CACNB2: variants seen among roughly 807,000 people sequenced by gnomAD.
CACNB2 encodes calcium voltage-gated channel auxiliary subunit beta 2.
Under a neutral mutation model 73.3 loss-of-function variants are expected in CACNB2, and 42 were observed. That is an observed-to-expected ratio of 0.57 (90% CI 0.45 to 0.74). The LOEUF is 0.74. Ranked by LOEUF, CACNB2 falls within the 30% of genes least tolerant of loss-of-function variation. The pLI, the probability that CACNB2 is intolerant of heterozygous loss-of-function variation, is 0.00. For synonymous variants in CACNB2, 348 were observed against 310.3 expected, an observed-to-expected ratio of 1.12 and a Z score of -1.28; for missense variants, 940 against 853.0, an observed-to-expected ratio of 1.10 and a Z score of -1.27.
intron 2 of CACNB2, among the ~76,000 whole-genome samples, chr10:18,319,359 A>G (rs2131943809): frequency 6.6e-6 from 1 of 152,252 alleles, no homozygotes; most frequent in Non-Finnish European, 1.5e-5. Flanking sequence ...AGAAAACCAG[A>G]CACTGCATGT....
intron 2 of CACNB2, among the ~76,000 whole-genome samples, chr10:18,210,117 A>G (rs914472609): frequency 2.6e-5 from 4 of 152,328 alleles, no homozygotes; most frequent in Admixed American, 2.0e-4. Context: ...CTTCCTAGCC[A>G]TGCCACATTT....
At chr10:18,272,347 T>A (rs1588903193) in intron 2 of CACNB2, among the ~76,000 whole-genome samples, 1 of 152,164 alleles carries the variant, frequency 6.6e-6, no homozygotes, top group Non-Finnish European at 1.5e-5. Flanking sequence ...AGATGTGGGA[T>A]CTCTCCCTTC....
intron 3 of CACNB2, among the ~76,000 whole-genome samples, chr10:18,446,518 A>C (rs2046742317): frequency 6.6e-6 from 1 of 152,176 alleles, no homozygotes; most frequent in African/African-American, 2.4e-5. Context: ...GAGGCTGGAC[A>C]AATAACTGGA....
intron 3 of CACNB2, among the ~76,000 whole-genome samples, chr10:18,445,981 C>T (rs2046714813): frequency 6.6e-6 from 1 of 152,144 alleles, no homozygotes; most frequent in African/African-American, 2.4e-5. Context: ...TTTCAGTGAG[C>T]CAAGATCACA....
intron 3 of CACNB2, among the ~76,000 whole-genome samples, chr10:18,422,723 C>T (rs1261883817): frequency 6.6e-6 from 1 of 152,064 alleles, no homozygotes; most frequent in East Asian, 1.9e-4. Flanking sequence ...GATGGAGTTT[C>T]ATTCTTGTCA....
chr10:18,469,684 G>A (rs374925139), intron 3 of CACNB2, among the ~76,000 whole-genome samples: 9 of 152,134 alleles, frequency 5.9e-5, no homozygotes, highest in African/African-American at 2.2e-4. Flanking sequence ...GAGAGATGAC[G>A]TTCTTGAGAT....
chr10:18,467,075 A>C (rs1297677199), intron 3 of CACNB2, among the ~76,000 whole-genome samples: 1 of 152,060 alleles, frequency 6.6e-6, no homozygotes, highest in Non-Finnish European at 1.5e-5. Context: ...AATTGCTTAA[A>C]CTCAGGAGGC....
chr10:18,298,301 C>T (rs1030472588), intron 2 of CACNB2, among the ~76,000 whole-genome samples: 2 of 151,044 alleles, frequency 1.3e-5, no homozygotes, highest in Admixed American at 6.6e-5. Flanking sequence ...TCCGGTGGGG[C>T]GGAGGTTGCA....
intron 2 of CACNB2, among the ~76,000 whole-genome samples, chr10:18,371,263 T>A (rs2042570914): frequency 6.6e-6 from 1 of 152,172 alleles, no homozygotes; most frequent in Non-Finnish European, 1.5e-5. Context: ...CGTGCAGGTT[T>A]GTTACATATG....
chr10:18,386,636 G>A (rs1340701986), intron 2 of CACNB2, among the ~76,000 whole-genome samples: 1 of 152,024 alleles, frequency 6.6e-6, no homozygotes, highest in Non-Finnish European at 1.5e-5. Flanking sequence ...TCGATCTCCT[G>A]ACCTCGTGAT....
intron 2 of CACNB2, among the ~76,000 whole-genome samples, chr10:18,391,589 C>G (rs2043470219): frequency 6.6e-6 from 1 of 151,938 alleles, no homozygotes; most frequent in Admixed American, 6.6e-5. Flanking sequence ...TCAAGGGAGA[C>G]ATATACTAAA....
chr10:18,301,199 C>T (rs1478967694), intron 2 of CACNB2, among the ~76,000 whole-genome samples: 2 of 152,132 alleles, frequency 1.3e-5, no homozygotes, highest in African/African-American at 4.8e-5. Flanking sequence ...TTACATTTAT[C>T]GTTGTTATTA....
At chr10:18,239,100 A>G (rs1421991595) in intron 2 of CACNB2, among the ~76,000 whole-genome samples, 1 of 152,190 alleles carries the variant, frequency 6.6e-6, no homozygotes, top group African/African-American at 2.4e-5. Context: ...GGCCACCAGG[A>G]CTAAATGGGG....
At chr10:18,233,477 G>C (rs75563432) in intron 2 of CACNB2, among the ~76,000 whole-genome samples, 1,971 of 151,604 alleles carry the variant, frequency 0.013, 42 homozygotes, top group African/African-American at 0.046. Context: ...TGCTCTGCTA[G>C]CTAGGTTTCT....
rs138423466 is a variant in CACNB2, at chr10:18,518,404, G to A, written c.873G>A (p.Leu291=). The A allele has an allele frequency of 5.0e-3, 7,985 of 1,609,340 alleles. 32 individuals are homozygous for A. The highest frequency in any genetic ancestry group is 6.3e-3 in the Non-Finnish European group (7,422 of 1,175,770). ...CAGTGGTCCTAGTGGGCCCTTCTCT[G>A]AAGGGCTACGAGGTGGGTAGCAGCC... ...MRPVVLVGPS[L]KGYEVTDMMQ... is the part of the protein sequence containing the mutation. The change falls in exon 8 of 14, where the codon CTG becomes CTA. Residue 291 remains leucine (L), a synonymous_variant. Coordinates refer to ENST00000324631, the MANE Select transcript of CACNB2 (RefSeq NM_201596.3).
intron 3 of CACNB2, among the ~76,000 whole-genome samples, chr10:18,487,018 C>T (rs547334368): frequency 4.6e-5 from 7 of 152,254 alleles, no homozygotes; most frequent in South Asian, 2.1e-4. Context: ...CATGGTGAAA[C>T]GCATGGGGTT....
chr10:18,227,697 G>T (rs1011318392), intron 2 of CACNB2, among the ~76,000 whole-genome samples: 4 of 152,154 alleles, frequency 2.6e-5, no homozygotes, highest in Non-Finnish European at 4.4e-5. Context: ...ATAGGGAAAG[G>T]GAGTATGCGC....
At chr10:18,206,586 C>T in intron 2 of CACNB2, 1 of 152,316 alleles carries the variant, frequency 6.6e-6, no homozygotes, top group Non-Finnish European at 1.5e-5. Flanking sequence ...GGCTTTCAGA[C>T]ATGTCTAAGG....
intron 10 of CACNB2, among the ~76,000 whole-genome samples, chr10:18,530,636 G>T (rs1283535470): frequency 3.3e-5 from 5 of 151,992 alleles, no homozygotes; most frequent in Non-Finnish European, 7.4e-5. Flanking sequence ...CAGAATGGTT[G>T]TATGGGGACT....
Sources: allele counts gnomAD v4.1 joint callset (sites outside exome capture counted in the v4.1 genomes callset), GRCh38; gene constraint gnomAD v4.1.1; transcripts MANE v1.5; gene names NCBI Gene and HGNC (gene_info 2026-07-23, HGNC 2026-07-21).